Variants in ZNF318 observed in about 807,000 individuals in gnomAD.
The protein encoded by ZNF318 is endocrine regulator.
Under a neutral mutation model 124.2 loss-of-function variants are expected in ZNF318, and 51 were observed. The ratio of observed to expected loss-of-function variants is 0.41; its 90% confidence interval spans 0.33 to 0.52. The LOEUF (loss-of-function observed/expected upper bound fraction) is 0.52. Among genes scored for constraint, ZNF318 ranks in the 20% least tolerant of loss-of-function variants. The pLI is 0.23. For synonymous variants in ZNF318, 1,090 were observed against 1,040.7 expected (o/e 1.05, Z -0.91); for missense variants, 2,815 against 2,811.2 (o/e 1.00, Z -0.03).
chr6:43,346,524 C>CAAAAAAAAAAA (rs59587962), intron 6 of ZNF318, among the ~76,000 whole-genome samples: 5 of 104,578 alleles, frequency 4.8e-5, no homozygotes, highest in Non-Finnish European at 7.6e-5. Context: ...CATCTTTAAC[C>CAAAAAAAAAAA]AAAAAAAAAA....
At position 43,338,850 on chromosome 6, in the gene ZNF318, C is replaced by G. The variant is rs747979105; in HGVS notation, c.5148G>C (p.Lys1716Asn). ...CTGGCTCTCCCAGGTCAAGCTCACT[C>G]TTCTCTGGAGATATATCCCTACTAG... ...SDTSRDISPE[K>N]SELDLGEPGP... Residue 1716 changes from lysine to asparagine, a missense_variant, in exon 10 of 10, where the codon AAG becomes AAC. By Grantham distance (94) the Lys-to-Asn change is moderately conservative. Coordinates refer to ENST00000361428, the MANE Select transcript of ZNF318 (RefSeq NM_014345.3). 1 of 1,614,168 alleles carries G rather than the reference C, an allele frequency of 6.2e-7. No individual in the cohort carries two copies. Among genetic ancestry groups the G allele is most frequent in the Non-Finnish European group, 8.5e-7 (1 of 1,180,042 alleles).
chr6:43,356,691 G>C (rs1235909974), intron 3 of ZNF318, among the ~76,000 whole-genome samples: 1 of 152,098 alleles, frequency 6.6e-6, no homozygotes, highest in Admixed American at 6.6e-5. Context: ...ACAGTAAGTT[G>C]GTGGCAGAAG....
In ZNF318 at chr6:43,337,244, C is replaced by T; in HGVS notation, c.6754G>A (p.Asp2252Asn). 6.2e-7 allele frequency: 1 copy of T among 1,614,146 alleles called. No individual in the cohort carries two copies. The highest frequency in any genetic ancestry group is 1.6e-4 in the Middle Eastern group (1 of 6,062). Residue 2252 changes from aspartate to asparagine, a missense_variant, in exon 10 of 10, where the codon GAC becomes AAC. Asp to Asn is a conservative substitution (Grantham distance 23). Coordinates refer to ENST00000361428, the MANE Select transcript of ZNF318 (RefSeq NM_014345.3). ...RSPPREQVIEDNMVPQGMPEQ... is the reference protein window; with the variant it reads ...RSPPREQVIENNMVPQGMPEQ... ...GGCATTCCCTGAGGGACCATATTGT[C>T]TTCAATTACCTGCTCCCTTGGAGGG...
Position 43,339,887 on chromosome 6 carries a change from C to G in ZNF318, c.4111G>C (p.Ala1371Pro). Residue 1371 changes from alanine to proline, a missense_variant, in exon 10 of 10, where the codon GCT (alanine) becomes CCT (proline). By Grantham distance (27) the Ala-to-Pro change is conservative (BLOSUM62 -1). This residue lies in a region of ZNF318 where 500 missense variants were observed against 605.2 expected (regional missense o/e 0.83). Coordinates refer to ENST00000361428, the MANE Select transcript of ZNF318 (RefSeq NM_014345.3). This position sits in a 1 kb window ranked among gnomAD's most constrained non-coding sequence, Gnocchi z 4.2. ...ATAGACAGAAAGGTGTTAAGAGGAG[C>G]TGGCTTGCTCATTGTGGCTGAACAT... ...KSCSATMSKP[A>P]PLNTFLSIKS... 1.2e-6 allele frequency: 2 copies of G among 1,614,164 alleles called. No homozygotes were observed. Among genetic ancestry groups the G allele is most frequent in the South Asian group, 1.1e-5 (1 of 91,086 alleles).
chr6:43,337,799 A>G lies in ZNF318; in HGVS notation c.6199T>C (p.Ser2067Pro). The G allele has an allele frequency of 6.2e-7, 1 of 1,614,190 alleles. No individual in the cohort carries two copies. Among genetic ancestry groups the G allele is most frequent in the African/African-American group, 1.3e-5 (1 of 75,042 alleles). ...GAATCTAACGGAAACCCAGAAAAAG[A>G]TGGGATTGGTTCGAAGTCAGCGGGA... ...SDPADFEPIP[S>P]FSGFPLDSPK... Residue 2067 changes from serine (S) to proline (P), a missense_variant, in exon 10 of 10, where the codon TCT becomes CCT. Transcript: ENST00000361428.
At position 43,354,696 on chromosome 6, in the gene ZNF318, C is replaced by A. The variant is rs1779578618; in HGVS notation, c.2638G>T (p.Asp880Tyr). ...LIRYNPEKIS[D>Y]EKNRASQKQK... ...TTCTGGGAAGCACGGTTCTTCTCATCAGAGATCTTCTCTGGATTATATCTT... is the reference window on the plus strand; with the variant it reads ...TTCTGGGAAGCACGGTTCTTCTCATAAGAGATCTTCTCTGGATTATATCTT... Residue 880 changes from aspartate (D) to tyrosine (Y), a missense_variant, in exon 4 of 10, where the codon GAT (aspartate) becomes TAT (tyrosine). By Grantham distance (160) the Asp-to-Tyr change is radical. Coordinates refer to ENST00000361428, the MANE Select transcript of ZNF318 (RefSeq NM_014345.3). 3 of 1,612,392 alleles carry A rather than the reference C, an allele frequency of 1.9e-6. No individual in the cohort carries two copies. Among genetic ancestry groups the A allele is most frequent in the Non-Finnish European group, 2.5e-6 (3 of 1,179,314 alleles).
rs1779476826 is a variant in ZNF318, at chr6:43,348,304, T to C, written c.3072+20A>G. On this transcript the variant is annotated intron_variant, in intron 6 of 9. Transcript: ENST00000361428. ...TAAGGGAAAAAAAAGATGATAGAAA[T>C]GGAAAAATTGAGTTGTTACCTTGTT... 1.9e-6 allele frequency: 3 copies of C among 1,583,466 alleles called. No individual in the cohort carries two copies. The highest frequency in any genetic ancestry group is 2.6e-6 in the Non-Finnish European group (3 of 1,168,254).
intron 4 of ZNF318, among the ~76,000 whole-genome samples, chr6:43,353,918 C>A (rs1047717283): frequency 6.6e-6 from 1 of 151,962 alleles, no homozygotes; most frequent in African/African-American, 2.4e-5. Flanking sequence ...GGCTGGGGAC[C>A]CAATGAACCT....
In ZNF318 at chr6:43,342,663, G is replaced by A. The variant is rs773378122; in HGVS notation, c.3276+13C>T. ...AGGGTGGGAGTGAAAATAACAGAGA[G>A]TAGGATACCAACCTGTGTGTGCTTC... is the stretch of plus-strand genomic sequence containing the variant. On this transcript the variant is annotated intron_variant, in intron 7 of 9. Coordinates refer to ENST00000361428, the MANE Select transcript of ZNF318 (RefSeq NM_014345.3). 2.5e-6 allele frequency: 4 copies of A among 1,613,378 alleles called. No homozygotes were observed. The highest frequency in any genetic ancestry group is 1.3e-5 in the African/African-American group (1 of 74,916).
chr6:43,353,621 G>A (rs375799295), intron 4 of ZNF318, among the ~76,000 whole-genome samples: 5 of 152,176 alleles, frequency 3.3e-5, no homozygotes, highest in East Asian at 3.9e-4. Flanking sequence ...TGATCCACCC[G>A]CCTCAGCCTC....
At chr6:43,341,435 G>A (rs1033042375) in intron 8 of ZNF318, among the ~76,000 whole-genome samples, 3 of 152,034 alleles carry the variant, frequency 2.0e-5, no homozygotes, top group Non-Finnish European at 2.9e-5. Flanking sequence ...GGCAGATCAC[G>A]AGGTCAGGAG....
chr6:43,348,878 C>T (rs533785760), intron 5 of ZNF318, among the ~76,000 whole-genome samples: 32 of 152,100 alleles, frequency 2.1e-4, no homozygotes, highest in African/African-American at 7.7e-4. Flanking sequence ...ACTAAAAATA[C>T]AAAAAATTAG....
chr6:43,365,229 A>G, intron 2 of ZNF318, 63 bp downstream of exon 2: 1 of 1,547,798 alleles, frequency 6.5e-7, no homozygotes, highest in South Asian at 1.2e-5. Flanking sequence ...TATCATTCGG[A>G]AAACAGCAAC....
intron 2 of ZNF318, among the ~76,000 whole-genome samples, chr6:43,358,780 T>C (rs1421117222): frequency 6.6e-6 from 1 of 152,110 alleles, no homozygotes; most frequent in Non-Finnish European, 1.5e-5. Context: ...GGTCTCGAAC[T>C]CCTGATCTCA....
At chr6:43,345,052 C>A (rs1562130117) in intron 6 of ZNF318, among the ~76,000 whole-genome samples, 1 of 151,656 alleles carries the variant, frequency 6.6e-6, no homozygotes, top group East Asian at 1.9e-4. Context: ...CGGGACCAGC[C>A]TTGGAAACAT....
Position 43,357,305 on chromosome 6 carries a change from G to A in ZNF318, c.1009C>T (p.Gln337Ter). ...EEEERSRSLS[Q>*]ELVGVDGGGT... is the part of the protein sequence containing the mutation. Reference sequence around the variant, plus strand: ...CCACCATCAACTCCAACCAGCTCCTGACTCAAGCTCCTACTTCGCTCCTCC... The same window carrying A: ...CCACCATCAACTCCAACCAGCTCCTAACTCAAGCTCCTACTTCGCTCCTCC... The change falls in exon 3 of 10, where the codon CAG becomes TAG. Residue 337 changes from glutamine to a stop codon, truncating the protein, a stop_gained. Coordinates refer to ENST00000361428, the MANE Select transcript of ZNF318 (RefSeq NM_014345.3). LOFTEE classifies it high-confidence loss of function. 1 of 1,614,136 alleles carries A rather than the reference G, an allele frequency of 6.2e-7. No individual in the cohort carries two copies. The highest frequency in any genetic ancestry group is 8.5e-7 in the Non-Finnish European group (1 of 1,180,004).
In ZNF318 at chr6:43,337,455, T is replaced by C; in HGVS notation, c.6543A>G (p.Gly2181=). The C allele has an allele frequency of 6.2e-7, 1 of 1,614,152 alleles. No individual in the cohort carries two copies. The highest frequency in any genetic ancestry group is 8.5e-7 in the Non-Finnish European group (1 of 1,180,024). ...DLVDFVTRTS[G]VQKDKLCSPL... ...GAGAACACAGTTTATCTTTTTGAAC[T>C]CCAGAGGTCCGTGTGACAAAGTCAA... The change falls in exon 10 of 10, where the codon GGA becomes GGG. Residue 2181 remains glycine (G), a synonymous_variant. Transcript: ENST00000361428.
At position 43,365,409 on chromosome 6, in the gene ZNF318, A is replaced by G. The variant is rs747705673; in HGVS notation, c.431T>C (p.Leu144Ser). ...RRSPGLCSDSLEKSLRITVGN... is the reference protein window; with the variant it reads ...RRSPGLCSDSSEKSLRITVGN... ...AACAGTGATCCTTAAGCTCTTTTCC[A>G]AAGAGTCAGAACACAGACCAGGAGA... is the stretch of plus-strand genomic sequence containing the variant. Residue 144 changes from leucine (L) to serine (S), a missense_variant, in exon 2 of 10, where the codon TTG becomes TCG. Transcript: ENST00000361428. 3 of 1,613,922 alleles carry G rather than the reference A, an allele frequency of 1.9e-6. No homozygotes were observed. Among genetic ancestry groups the G allele is most frequent in the Admixed American group, 3.3e-5 (2 of 60,006 alleles).
At chr6:43,349,386 C>CTTTTTTTTTT (rs369338217) in intron 5 of ZNF318, among the ~76,000 whole-genome samples, 2 of 124,174 alleles carry the variant, frequency 1.6e-5, no homozygotes, top group African/African-American at 2.9e-5. Context: ...TCTGGTTTAT[C>CTTTTTTTTTT]TTTTTTTTTT....
Sources: gnomAD v4.1 joint callset for allele counts (sites outside exome capture counted in the v4.1 genomes callset) on GRCh38, gnomAD v4.1.1 for gene constraint, gnomAD v4.1.1 regional missense constraint, Gnocchi (gnomAD v3.1) non-coding constraint, MANE v1.5 for transcripts, NCBI Gene and HGNC (gene_info 2026-07-23, HGNC 2026-07-21) for gene names.